EYS: variants seen among roughly 807,000 people sequenced by gnomAD.
EYS encodes EGF-like photoreceptor maintenance factor, also known as protein eyes shut homolog.
In EYS, 250 loss-of-function variants were observed where a neutral mutation model predicts 282.1. The observed-to-expected ratio is 0.89, with a 90% CI of 0.80 to 0.98. The LOEUF is 0.98. Among genes scored for constraint, EYS ranks in the 50% least tolerant of loss-of-function variants. EYS has a pLI of 0.00. For missense variants in EYS, 4,016 were observed against 3,709.0 expected, an observed-to-expected ratio of 1.08 and a Z score of -2.15; for synonymous variants, 1,355 against 1,282.9, an observed-to-expected ratio of 1.06 and a Z score of -1.20.
intron 12 of EYS, among the ~76,000 whole-genome samples, chr6:65,220,059 C>T (rs556977205): frequency 6.6e-6 from 1 of 152,230 alleles, no homozygotes; most frequent in Admixed American, 6.5e-5. Context: ...CATCTATAAG[C>T]CTCCATATTG....
intron 12 of EYS, among the ~76,000 whole-genome samples, chr6:65,185,893 T>C (rs1765505477): frequency 6.6e-6 from 1 of 151,786 alleles, no homozygotes; most frequent in Admixed American, 6.6e-5. Flanking sequence ...AGTTTTACTA[T>C]GTCCATGATA....
chr6:65,332,889 C>T (rs1372276222), intron 11 of EYS, among the ~76,000 whole-genome samples: 10 of 151,128 alleles, frequency 6.6e-5, no homozygotes, highest in East Asian at 2.0e-4. Flanking sequence ...TCTATTTTAT[C>T]GAAGTTAACT....
At chr6:65,261,183 C>T (rs1460502078) in intron 12 of EYS, among the ~76,000 whole-genome samples, 1 of 151,908 alleles carries the variant, frequency 6.6e-6, no homozygotes, top group African/African-American at 2.4e-5. Context: ...TACTGATTGT[C>T]ACAGTGTGGA....
intron 12 of EYS, among the ~76,000 whole-genome samples, chr6:65,134,830 A>G (rs1830586): frequency 0.043 from 6,488 of 152,094 alleles, 198 homozygotes; most frequent in Middle Eastern, 0.065. Context: ...GGGCCAGAGT[A>G]CCCCATACAT....
At chr6:64,288,258 A>G (rs1052299398) in intron 30 of EYS, among the ~76,000 whole-genome samples, 2 of 151,932 alleles carry the variant, frequency 1.3e-5, no homozygotes, top group African/African-American at 4.8e-5. Flanking sequence ...TAATATTCTC[A>G]AACTTCTATT....
At position 63,726,528 on chromosome 6, in the gene EYS, CT is replaced by C. The variant is rs1768622603; in HGVS notation, c.8223del (p.Ala2742ProfsTer11). 1.9e-6 allele frequency: 3 copies of C among 1,549,462 alleles called. No homozygotes were observed. In the Admixed American group the frequency reaches 5.9e-5, roughly 31 times the overall value. On this transcript the variant is annotated frameshift_variant, in exon 42 of 43. Transcript: ENST00000503581. LOFTEE classifies it low-confidence loss of function (END_TRUNC). ...AGCCTGCCAATCTTACCTGATTGGG[CT>C]TTTAAGTGTTGTGCAGCATAAAATA... ...GILFYAAQHLKAQSGDFLCIS... is the reference protein window; with the variant it reads ...GILFYAAQHLXAQSGDFLCIS...
chr6:65,148,424 G>A (rs566684050), intron 12 of EYS, among the ~76,000 whole-genome samples: 15 of 152,206 alleles, frequency 9.9e-5, no homozygotes, highest in African/African-American at 3.6e-4. Flanking sequence ...GATCTCCTTT[G>A]ACTCCATGTC....
intron 2 of EYS, among the ~76,000 whole-genome samples, chr6:65,625,939 T>A (rs1341727485): frequency 6.6e-6 from 1 of 152,216 alleles, no homozygotes; most frequent in African/African-American, 2.4e-5. Context: ...TTACCAAAAC[T>A]ATTTTATCTT....
chr6:64,807,697 G>A (rs184465251), intron 22 of EYS, among the ~76,000 whole-genome samples: 85 of 152,040 alleles, frequency 5.6e-4, no homozygotes, highest in African/African-American at 1.9e-3. Flanking sequence ...CTAAAAATAA[G>A]TTTAGGTGTT....
intron 41 of EYS, among the ~76,000 whole-genome samples, chr6:63,757,750 T>C (rs1448095841): frequency 1.3e-5 from 2 of 152,134 alleles, no homozygotes; most frequent in Admixed American, 6.6e-5. Flanking sequence ...GTTGAAATAT[T>C]GGGGGTGGGT....
chr6:64,370,657 T>C (rs928930380), intron 29 of EYS, among the ~76,000 whole-genome samples: 1 of 152,160 alleles, frequency 6.6e-6, no homozygotes, highest in African/African-American at 2.4e-5. Flanking sequence ...TCCTGGGTTA[T>C]TTCTAGTTTG....
chr6:64,427,840 T>C (rs560226576), intron 28 of EYS, among the ~76,000 whole-genome samples: 1 of 152,136 alleles, frequency 6.6e-6, no homozygotes, highest in Non-Finnish European at 1.5e-5. Context: ...CTTTTCAAAC[T>C]GAAAGGAATT....
chr6:64,326,155 T>C (rs181587873), intron 29 of EYS, among the ~76,000 whole-genome samples: 12 of 72,590 alleles, frequency 1.7e-4, no homozygotes, highest in African/African-American at 7.3e-4. Flanking sequence ...GTAGTAGTAA[T>C]AGAAATTTAA....
At chr6:65,076,319 C>T (rs1038286740) in intron 12 of EYS, among the ~76,000 whole-genome samples, 1 of 151,858 alleles carries the variant, frequency 6.6e-6, no homozygotes, top group Non-Finnish European at 1.5e-5. Flanking sequence ...TTTGAAATAT[C>T]AAATTATAAA....
At chr6:64,743,369 A>G (rs2149962868) in intron 22 of EYS, among the ~76,000 whole-genome samples, 1 of 152,284 alleles carries the variant, frequency 6.6e-6, no homozygotes, top group East Asian at 1.9e-4. Context: ...GCCAAACCAC[A>G]TAATTGCTAC....
rs774480980 is a variant in EYS at position 65,405,210 on chromosome 6, T to A, written c.1020A>T (p.Pro340=). The A allele has an allele frequency of 1.2e-6, 2 of 1,613,080 alleles. No homozygotes were observed. Among genetic ancestry groups the A allele is most frequent in the South Asian group, 1.1e-5 (1 of 91,072 alleles). The change falls in exon 6 of 43, where the codon CCA becomes CCT. Residue 340 remains proline, a synonymous_variant. Transcript: ENST00000503581. ...TGATGCAGTCAGTACCATTCTGACA[T>A]GGTACTAATGAAAACTCACTGACAT... ...ETDVSEFSLV[P]CQNGTDCIKI...
intron 31 of EYS, among the ~76,000 whole-genome samples, chr6:64,172,846 C>A (rs1367165950): frequency 6.6e-6 from 1 of 152,210 alleles, no homozygotes; most frequent in Non-Finnish European, 1.5e-5. Context: ...ATCAAGGTTG[C>A]AAGCTCCTTA....
chr6:65,535,158 A>C (rs1437124659), intron 2 of EYS, among the ~76,000 whole-genome samples: 1 of 152,138 alleles, frequency 6.6e-6, no homozygotes, highest in Non-Finnish European at 1.5e-5. Flanking sequence ...CTGATGTTTT[A>C]ATCTCAGTCT....
intron 18 of EYS, among the ~76,000 whole-genome samples, chr6:64,887,409 A>G (rs1334686091): frequency 1.3e-5 from 2 of 152,050 alleles, no homozygotes; most frequent in East Asian, 3.9e-4. Context: ...GTGCACATGT[A>G]CCCTGAAACT....
Sources: gnomAD v4.1 joint callset for allele counts (sites outside exome capture counted in the v4.1 genomes callset) on GRCh38, gnomAD v4.1.1 for gene constraint, MANE v1.5 for transcripts, NCBI Gene and HGNC (gene_info 2026-07-23, HGNC 2026-07-21) for gene names.